PRKAG2: variants seen among roughly 807,000 people sequenced by gnomAD.
PRKAG2 encodes the protein protein kinase AMP-activated non-catalytic subunit gamma 2.
In PRKAG2, 26 loss-of-function variants were observed where a neutral mutation model predicts 69.6. The ratio of observed to expected loss-of-function variants is 0.37; its 90% confidence interval spans 0.27 to 0.52. The LOEUF is 0.52. PRKAG2 is among the 20% of genes least tolerant of loss of function. The probability of loss-of-function intolerance (pLI) is 0.90; values close to 1 mark genes in which losing one functional copy is unlikely to be tolerated. For synonymous variants in PRKAG2, 293 were observed against 285.0 expected, an observed-to-expected ratio of 1.03 and a Z score of -0.28; for missense variants, 557 against 740.0, an observed-to-expected ratio of 0.75 and a Z score of 2.87.
chr7:151,613,182 G>A (rs1178432288), intron 5 of PRKAG2, among the ~76,000 whole-genome samples: 1 of 152,136 alleles, frequency 6.6e-6, no homozygotes, highest in East Asian at 1.9e-4. Context: ...CTACAATAAC[G>A]CCTGAAATAA....
Position 151,732,133 on chromosome 7 carries a change from CTTTTTTTTT to C in PRKAG2, c.466+49010_466+49018del, listed in dbSNP as rs59078328. ...CACAGGCATGAGCCACAGCACCTGG[CTTTTTTTTT>C]TTTTTTTTTTTTTGAGACAGGGTCT... is the stretch of plus-strand genomic sequence containing the variant. On this transcript the variant is annotated intron_variant, in intron 3 of 15. Transcript: ENST00000287878. Among the ~76,000 whole-genome samples the C allele has an allele frequency of 3.7e-4, 35 of 94,874 alleles. 1 individual carries two copies. In the East Asian group the frequency reaches 1.0e-2, roughly 27 times the overall value. 62.2% of individuals were successfully genotyped at this position (94,874 alleles called of 152,430 possible).
intron 1 of PRKAG2, among the ~76,000 whole-genome samples, chr7:151,812,722 G>A (rs1348200346): frequency 2.6e-5 from 4 of 152,174 alleles, no homozygotes; most frequent in Non-Finnish European, 4.4e-5. Context: ...ACCAGCCTCC[G>A]TTCCCCTCCA....
At chr7:151,668,943 A>G (rs924219375) in intron 4 of PRKAG2, among the ~76,000 whole-genome samples, 7 of 152,224 alleles carry the variant, frequency 4.6e-5, no homozygotes, top group African/African-American at 1.7e-4. Flanking sequence ...GGAAATTGGA[A>G]AAGCGCTGAT....
At chr7:151,681,339 C>T (rs529295342) in intron 3 of PRKAG2, among the ~76,000 whole-genome samples, 2 of 152,296 alleles carry the variant, frequency 1.3e-5, no homozygotes, top group South Asian at 4.1e-4. Context: ...CCTGGCCTTC[C>T]TGTTCCTTCC....
intron 1 of PRKAG2, among the ~76,000 whole-genome samples, chr7:151,848,940 G>A (rs762523273): frequency 5.9e-5 from 9 of 152,242 alleles, no homozygotes; most frequent in Non-Finnish European, 1.0e-4. Flanking sequence ...GATCTTCACA[G>A]CCCGCAGGTG....
At chr7:151,557,639 G>A in intron 15 of PRKAG2, 1 of 800,744 alleles carries the variant, frequency 1.2e-6, no homozygotes, top group Non-Finnish European at 1.5e-6. Context: ...GGAGGCCGAG[G>A]CGGGCGGATC....
intron 5 of PRKAG2, among the ~76,000 whole-genome samples, chr7:151,606,805 G>GC (rs1159402139): frequency 6.6e-6 from 1 of 152,196 alleles, no homozygotes; most frequent in African/African-American, 2.4e-5. Context: ...GTGCAACAGA[G>GC]CAAGACTCCG....
chr7:151,753,306 C>T (rs1407974022), intron 3 of PRKAG2, among the ~76,000 whole-genome samples: 1 of 152,162 alleles, frequency 6.6e-6, no homozygotes. Context: ...GTGCTGATTT[C>T]CTGATTTTGA....
chr7:151,592,435 A>G (rs549400129), intron 6 of PRKAG2, among the ~76,000 whole-genome samples: 416 of 152,302 alleles, frequency 2.7e-3, no homozygotes, highest in Non-Finnish European at 4.5e-3. Context: ...CGGCCTCTCA[A>G]GAGACCGAAG....
intron 1 of PRKAG2, among the ~76,000 whole-genome samples, chr7:151,797,812 G>A (rs555519479): frequency 6.6e-6 from 1 of 152,280 alleles, no homozygotes; most frequent in African/African-American, 2.4e-5. Flanking sequence ...CCCGGGGTGA[G>A]CCGGCCACTC....
rs564512341 is a variant in PRKAG2, at chr7:151,618,822, C to A, written c.754+13247G>T. Among the ~76,000 whole-genome samples the A allele has an allele frequency of 2.0e-5, 3 of 152,252 alleles. No homozygotes were observed. In the South Asian group the frequency reaches 6.2e-4, roughly 32 times the overall value. On this transcript the variant is annotated intron_variant, in intron 5 of 15. Coordinates refer to ENST00000287878, the MANE Select transcript of PRKAG2 (RefSeq NM_016203.4). ...TTTCTAAAGTGCCTAGAAACATGAA[C>A]AGAAACAAAGGCAAATCTTAAACAT... is the stretch of plus-strand genomic sequence containing the variant.
intron 4 of PRKAG2, among the ~76,000 whole-genome samples, chr7:151,665,638 C>A (rs1371205045): frequency 2.0e-5 from 3 of 152,144 alleles, no homozygotes; most frequent in Non-Finnish European, 4.4e-5. Context: ...ACTCCTTGAC[C>A]CAATGTGAAA....
chr7:151,875,367 A>G (rs985013164), intron 1 of PRKAG2, among the ~76,000 whole-genome samples: 6 of 152,128 alleles, frequency 3.9e-5, no homozygotes, highest in Non-Finnish European at 5.9e-5. Flanking sequence ...CGTCTAAAAG[A>G]AGGGTGGCTC....
intron 1 of PRKAG2, among the ~76,000 whole-genome samples, chr7:151,817,810 T>G (rs2078680066): frequency 6.6e-6 from 1 of 152,232 alleles, no homozygotes; most frequent in Non-Finnish European, 1.5e-5. Context: ...ACACACAAGC[T>G]GCAAATCCAG....
intron 3 of PRKAG2, among the ~76,000 whole-genome samples, chr7:151,744,076 C>T (rs927737863): frequency 2.0e-5 from 3 of 152,192 alleles, no homozygotes; most frequent in African/African-American, 7.2e-5. Flanking sequence ...CACGGTCACC[C>T]CTGCTTCCTG....
chr7:151,729,265 T>C (rs536685266), intron 3 of PRKAG2, among the ~76,000 whole-genome samples: 2 of 152,232 alleles, frequency 1.3e-5, no homozygotes, highest in South Asian at 2.1e-4. Flanking sequence ...TTCTACTCAC[T>C]GGCTACAGTG....
chr7:151,823,551 A>T (rs1261600389), intron 1 of PRKAG2, among the ~76,000 whole-genome samples: 2 of 151,488 alleles, frequency 1.3e-5, no homozygotes, highest in Non-Finnish European at 2.9e-5. Context: ...AGGAGATGGA[A>T]CCTCACTCAC....
chr7:151,852,103 A>G lies in PRKAG2; in HGVS notation c.114+24404T>C, dbSNP rs73728425. ...TTACTGAGTGACAGGACGGACGCAC[A>G]GGAACCCAGGCTCCTACGCAAGCCT... On this transcript the variant is annotated intron_variant, in intron 1 of 15. Coordinates refer to ENST00000287878, the MANE Select transcript of PRKAG2 (RefSeq NM_016203.4). Among the ~76,000 whole-genome samples the G allele has an allele frequency of 4.6e-3, 703 of 152,334 alleles. 11 individuals are homozygous for G. Among genetic ancestry groups the G allele is most frequent in the South Asian group, 0.032 (155 of 4,830 alleles).
intron 3 of PRKAG2, among the ~76,000 whole-genome samples, chr7:151,745,267 C>T (rs114890351): frequency 4.6e-5 from 7 of 152,330 alleles, no homozygotes; most frequent in East Asian, 1.9e-4. Context: ...GTCCCCTCCG[C>T]GCCGGGGAGC....
Sources: allele counts gnomAD v4.1 joint callset (sites outside exome capture counted in the v4.1 genomes callset), GRCh38; gene constraint gnomAD v4.1.1; transcripts MANE v1.5; gene names NCBI Gene and HGNC (gene_info 2026-07-23, HGNC 2026-07-21).